Variants in KCNN2 observed in about 807,000 individuals in gnomAD.
KCNN2 encodes potassium calcium-activated channel subfamily N member 2.
Under a neutral mutation model 55.5 loss-of-function variants are expected in KCNN2, and 24 were observed. That is an observed-to-expected ratio of 0.43 (90% confidence interval 0.31 to 0.61). KCNN2 has a LOEUF of 0.61. Ranked by LOEUF, KCNN2 falls within the 20% of genes least tolerant of loss-of-function variation. KCNN2 has a pLI of 0.08. For missense variants in KCNN2, 754 were observed against 853.6 expected, an observed-to-expected ratio of 0.88 and a Z score of 1.45; for synonymous variants, 431 against 336.1, an observed-to-expected ratio of 1.28 and a Z score of -3.09.
At chr5:114,288,317 C>G (rs1755798987) in intron 2 of KCNN2, among the ~76,000 whole-genome samples, 1 of 152,012 alleles carries the variant, frequency 6.6e-6, no homozygotes, top group Non-Finnish European at 1.5e-5. Flanking sequence ...TGTTTGAATA[C>G]CACTTTTCAA....
intron 3 of KCNN2, among the ~76,000 whole-genome samples, chr5:114,412,856 T>G (rs1025979237): frequency 1.3e-5 from 2 of 152,208 alleles, no homozygotes; most frequent in African/African-American, 4.8e-5. Flanking sequence ...CATATCCACC[T>G]TGATTTATTA....
chr5:114,286,492 A>G (rs1242836206), intron 2 of KCNN2, among the ~76,000 whole-genome samples: 1 of 152,230 alleles, frequency 6.6e-6, no homozygotes, highest in African/African-American at 2.4e-5. Context: ...GTTAAAAAAA[A>G]GAGGGGCAAG....
At chr5:114,095,558 C>T (rs774989337) in intron 1 of KCNN2, among the ~76,000 whole-genome samples, 2 of 152,160 alleles carry the variant, frequency 1.3e-5, no homozygotes, top group Non-Finnish European at 2.9e-5. Flanking sequence ...ACAAGGTTGC[C>T]TGGAGTCACA....
chr5:114,362,943 C>CGCA lies in KCNN2; in HGVS notation c.806_807insAGC (p.Ala270dup), dbSNP rs769026740. The CGCA allele has an allele frequency of 6.3e-7, 1 of 1,587,792 alleles. No individual in the cohort carries two copies. The highest frequency in any genetic ancestry group is 8.5e-7 in the Non-Finnish European group (1 of 1,174,184). On this transcript the variant is annotated inframe_insertion, in exon 1 of 8. Transcript: ENST00000673685. ...CCCCGTCTGCAGCCGCTGCCGCCGC[C>CGCA]GCCGCTGTTTCGTCCTCAGCCCCCG... is the stretch of plus-strand genomic sequence containing the variant.
At chr5:114,120,638 C>T (rs1007925580) in intron 1 of KCNN2, among the ~76,000 whole-genome samples, 10 of 152,152 alleles carry the variant, frequency 6.6e-5, no homozygotes, top group Non-Finnish European at 1.5e-4. Flanking sequence ...CCAATTTATA[C>T]TTTGGGAACC....
At chr5:114,159,375 C>G (rs1186879562) in intron 1 of KCNN2, among the ~76,000 whole-genome samples, 1 of 152,176 alleles carries the variant, frequency 6.6e-6, no homozygotes, top group East Asian at 1.9e-4. Flanking sequence ...GGTGGATAAG[C>G]TTTTGGATGT....
At chr5:114,429,807 G>A (rs1759737079) in intron 3 of KCNN2, among the ~76,000 whole-genome samples, 1 of 119,726 alleles carries the variant, frequency 8.4e-6, no homozygotes. Flanking sequence ...TGTAAGGTCT[G>A]TATATAGATG....
intron 1 of KCNN2, among the ~76,000 whole-genome samples, chr5:114,215,278 T>C (rs1347850908): frequency 1.3e-5 from 2 of 152,146 alleles, no homozygotes; most frequent in Non-Finnish European, 2.9e-5. Flanking sequence ...CATAATCACT[T>C]TTATCTTTTC....
intron 2 of KCNN2, among the ~76,000 whole-genome samples, chr5:114,393,284 AT>A (rs1758511617): frequency 1.3e-5 from 2 of 152,130 alleles, no homozygotes; most frequent in Non-Finnish European, 2.9e-5. Context: ...CATCTTATTT[AT>A]TTTTGTTCAT....
intron 2 of KCNN2, among the ~76,000 whole-genome samples, chr5:114,272,464 C>T (rs199640140): frequency 7.0e-6 from 1 of 142,440 alleles, no homozygotes; most frequent in African/African-American, 2.9e-5. Flanking sequence ...ATGTACATAT[C>T]ATACACACAT....
intron 4 of KCNN2, among the ~76,000 whole-genome samples, chr5:114,464,048 C>T (rs528862154): frequency 6.6e-6 from 1 of 152,252 alleles, no homozygotes; most frequent in East Asian, 1.9e-4. Context: ...TCTTGTGGAG[C>T]ACTTGGGAAA....
intron 1 of KCNN2, among the ~76,000 whole-genome samples, chr5:114,066,528 G>A (rs149429700): frequency 8.8e-4 from 134 of 152,318 alleles, no homozygotes; most frequent in Middle Eastern, 6.8e-3. Flanking sequence ...ACTACTGTGG[G>A]AAAGGGGCTC....
intron 3 of KCNN2, among the ~76,000 whole-genome samples, chr5:114,458,102 A>G (rs971837755): frequency 6.6e-6 from 1 of 152,072 alleles, no homozygotes; most frequent in Non-Finnish European, 1.5e-5. Context: ...AAAAAAATGC[A>G]TTGCTGTCAC....
intron 2 of KCNN2, among the ~76,000 whole-genome samples, chr5:114,265,713 A>G (rs1755196700): frequency 6.6e-6 from 1 of 152,222 alleles, no homozygotes. Flanking sequence ...TCACCCGCAC[A>G]GACACAACCA....
chr5:114,359,076 C>T (rs1482833421), upstream of KCNN2, among the ~76,000 whole-genome samples: 1 of 152,122 alleles, frequency 6.6e-6, no homozygotes, highest in Admixed American at 6.6e-5. Flanking sequence ...AGCAAGACGG[C>T]TGAGTGTGTG....
At chr5:114,094,812 A>C (rs1157299277) in intron 1 of KCNN2, among the ~76,000 whole-genome samples, 1 of 151,978 alleles carries the variant, frequency 6.6e-6, no homozygotes, top group Non-Finnish European at 1.5e-5. Context: ...AATGTCATCT[A>C]TTTGCTTGGA....
intron 1 of KCNN2, among the ~76,000 whole-genome samples, chr5:114,135,157 C>A (rs1752149991): frequency 6.6e-6 from 1 of 151,680 alleles, no homozygotes; most frequent in Non-Finnish European, 1.5e-5. Context: ...AACACGGCAC[C>A]CTAATTTGCA....
At chr5:114,431,614 T>G (rs1044927174) in intron 3 of KCNN2, among the ~76,000 whole-genome samples, 2 of 149,848 alleles carry the variant, frequency 1.3e-5, no homozygotes, top group Admixed American at 6.7e-5. Flanking sequence ...TTCTTTTCCT[T>G]TTGCTTATCT....
At chr5:114,204,206 C>T (rs1014865506) in intron 1 of KCNN2, among the ~76,000 whole-genome samples, 3 of 152,052 alleles carry the variant, frequency 2.0e-5, no homozygotes, top group Non-Finnish European at 4.4e-5. Flanking sequence ...ATCCCAACTG[C>T]ACCTTAAAAT....
Sources: allele counts gnomAD v4.1 joint callset (sites outside exome capture counted in the v4.1 genomes callset), GRCh38; gene constraint gnomAD v4.1.1; transcripts MANE v1.5; gene names NCBI Gene and HGNC (gene_info 2026-07-23, HGNC 2026-07-21).